Variants in FSTL5 observed in about 807,000 individuals in gnomAD.
FSTL5 encodes the protein follistatin like 5.
Under a neutral mutation model 89.1 loss-of-function variants are expected in FSTL5, and 62 were observed. The observed-to-expected ratio is 0.70, with a 90% CI of 0.57 to 0.86. FSTL5 has a LOEUF of 0.86. Among genes scored for constraint, FSTL5 ranks in the 40% least tolerant of loss-of-function variants. FSTL5 has a pLI of 0.00. For synonymous variants in FSTL5, 383 were observed against 346.2 expected, an observed-to-expected ratio of 1.11 and a Z score of -1.18; for missense variants, 1,057 against 1,001.6, an observed-to-expected ratio of 1.06 and a Z score of -0.75.
At chr4:161,489,581 C>T (rs997289370) in intron 12 of FSTL5, among the ~76,000 whole-genome samples, 17 of 152,008 alleles carry the variant, frequency 1.1e-4, no homozygotes, top group African/African-American at 3.1e-4. Context: ...TTTAAACTTT[C>T]CTCAGTTTTG....
intron 3 of FSTL5, among the ~76,000 whole-genome samples, chr4:161,998,751 ATAGT>A (rs938525043): frequency 2.6e-5 from 4 of 152,118 alleles, no homozygotes; most frequent in Admixed American, 6.6e-5. Flanking sequence ...GGAAACTTAA[ATAGT>A]TAGGTCATTG....
At chr4:161,670,405 G>A (rs149705035) in intron 6 of FSTL5, among the ~76,000 whole-genome samples, 32 of 152,234 alleles carry the variant, frequency 2.1e-4, no homozygotes, top group African/African-American at 7.5e-4. Flanking sequence ...ATTAATGTTG[G>A]AGTCGATCAA....
rs142145556 is a variant in FSTL5, at chr4:161,984,295, A to T, written c.160+49330T>A. ...TAGAAATTGATTAGCTTTCAAGTTT[A>T]TCTGCTATAGATCTTTGCTTTTTTT... is the stretch of plus-strand genomic sequence containing the variant. On this transcript the variant is annotated intron_variant, in intron 3 of 15. Transcript: ENST00000306100. Among the ~76,000 whole-genome samples, 58 of 152,186 alleles carry T rather than the reference A, an allele frequency of 3.8e-4. No individual in the cohort carries two copies. In the East Asian group the frequency reaches 9.3e-3, roughly 24 times the overall value.
chr4:161,511,152 A>T (rs1340743834), intron 10 of FSTL5, among the ~76,000 whole-genome samples: 1 of 152,164 alleles, frequency 6.6e-6, no homozygotes, highest in Non-Finnish European at 1.5e-5. Flanking sequence ...TTACAATAAC[A>T]CTATATGTTC....
At chr4:161,740,785 T>C (rs1297489913) in intron 6 of FSTL5, among the ~76,000 whole-genome samples, 1 of 152,208 alleles carries the variant, frequency 6.6e-6, no homozygotes, top group African/African-American at 2.4e-5. Flanking sequence ...TATGTCTTAG[T>C]CTGTTGGGCT....
intron 6 of FSTL5, among the ~76,000 whole-genome samples, chr4:161,691,193 T>C (rs931123158): frequency 2.0e-5 from 3 of 152,132 alleles, no homozygotes; most frequent in African/African-American, 7.2e-5. Context: ...TATTATTCAG[T>C]TCATTCACTC....
intron 2 of FSTL5, among the ~76,000 whole-genome samples, chr4:162,069,608 T>C (rs1579002886): frequency 6.6e-6 from 1 of 151,950 alleles, no homozygotes; most frequent in South Asian, 2.1e-4. Flanking sequence ...GAGCCCAACA[T>C]TTTAAGCTCC....
At chr4:162,048,535 T>A (rs1178935214) in intron 2 of FSTL5, among the ~76,000 whole-genome samples, 1 of 152,040 alleles carries the variant, frequency 6.6e-6, no homozygotes, top group Non-Finnish European at 1.5e-5. Flanking sequence ...ATCAGTATTA[T>A]TTTCTTCCTC....
intron 4 of FSTL5, among the ~76,000 whole-genome samples, chr4:161,916,913 C>A (rs570535796): frequency 1.3e-5 from 2 of 152,160 alleles, no homozygotes; most frequent in East Asian, 3.9e-4. Context: ...TGCATCAATA[C>A]ACCTGATTCT....
intron 7 of FSTL5, among the ~76,000 whole-genome samples, chr4:161,644,480 C>G (rs772550851): frequency 1.3e-5 from 2 of 150,630 alleles, no homozygotes; most frequent in Non-Finnish European, 2.9e-5. Context: ...GAGCCGAGGC[C>G]GCACCATTGC....
chr4:162,141,860 T>C (rs7377808), intron 1 of FSTL5, among the ~76,000 whole-genome samples: 70 of 90,038 alleles, frequency 7.8e-4, no homozygotes, highest in South Asian at 2.2e-3. Context: ...ACTGAGGAAG[T>C]GTACACAGGT....
At chr4:161,812,464 G>T (rs923320371) in intron 4 of FSTL5, among the ~76,000 whole-genome samples, 1 of 151,780 alleles carries the variant, frequency 6.6e-6, no homozygotes, top group Non-Finnish European at 1.5e-5. Context: ...GTGTGACTTT[G>T]TACAAATTGC....
intron 2 of FSTL5, among the ~76,000 whole-genome samples, chr4:162,084,761 C>T (rs7685738): frequency 0.07 from 10,636 of 151,732 alleles, 498 homozygotes; most frequent in East Asian, 0.16. Flanking sequence ...CATCACACAC[C>T]GGCACCTACC....
At chr4:161,511,456 G>A (rs992392267) in intron 10 of FSTL5, among the ~76,000 whole-genome samples, 2 of 152,080 alleles carry the variant, frequency 1.3e-5, no homozygotes, top group South Asian at 2.1e-4. Context: ...TACATGATGT[G>A]TGCATTCCTG....
chr4:162,090,549 G>A (rs574506332), intron 2 of FSTL5, among the ~76,000 whole-genome samples: 15 of 152,120 alleles, frequency 9.9e-5, no homozygotes, highest in Admixed American at 2.0e-4. Context: ...GGCCGGGTGC[G>A]GTGACTCATG....
At chr4:161,545,176 T>G (rs193152010) in intron 8 of FSTL5, among the ~76,000 whole-genome samples, 1 of 152,130 alleles carries the variant, frequency 6.6e-6, no homozygotes, top group East Asian at 1.9e-4. Flanking sequence ...AGGGATATAA[T>G]GAGGAATGGC....
At chr4:161,767,598 G>T (rs2126796792) in intron 5 of FSTL5, among the ~76,000 whole-genome samples, 1 of 152,172 alleles carries the variant, frequency 6.6e-6, no homozygotes, top group African/African-American at 2.4e-5. Context: ...CAAAGATCTA[G>T]ATAACAAAGA....
At chr4:161,604,125 TCTTA>T (rs1322958794) in intron 7 of FSTL5, among the ~76,000 whole-genome samples, 2 of 152,218 alleles carry the variant, frequency 1.3e-5, no homozygotes, top group Non-Finnish European at 2.9e-5. Flanking sequence ...AGTATTTGCT[TCTTA>T]CTTTCAATGT....
intron 10 of FSTL5, among the ~76,000 whole-genome samples, chr4:161,529,854 C>G (rs1376554307): frequency 7.0e-6 from 1 of 142,450 alleles, no homozygotes; most frequent in Non-Finnish European, 1.5e-5. Flanking sequence ...AAAAACAAAA[C>G]AAAACAATTA....
Sources: allele counts gnomAD v4.1 joint callset (sites outside exome capture counted in the v4.1 genomes callset), GRCh38; gene constraint gnomAD v4.1.1; transcripts MANE v1.5; gene names NCBI Gene and HGNC (gene_info 2026-07-23, HGNC 2026-07-21).